PDILT: variants seen among roughly 807,000 people sequenced by gnomAD.
PDILT encodes the protein protein disulfide-isomerase-like protein of the testis.
Under a neutral mutation model 53.7 loss-of-function variants are expected in PDILT, and 43 were observed. The ratio of observed to expected loss-of-function variants is 0.80; its 90% CI spans 0.63 to 1.03. PDILT has a LOEUF of 1.03. PDILT is among the 50% of genes least tolerant of loss of function. PDILT has a pLI of 0.00. For synonymous variants in PDILT, 282 were observed against 274.2 expected (o/e 1.03, Z -0.28); for missense variants, 727 against 712.3 (o/e 1.02, Z -0.24).
intron 1 of PDILT, among the ~76,000 whole-genome samples, chr16:20,402,490 G>A (rs750066615): frequency 4.6e-5 from 7 of 152,122 alleles, no homozygotes; most frequent in Non-Finnish European, 1.0e-4. Context: ...GTAGAGACAG[G>A]GTTTCGCCAT....
Position 20,396,040 on chromosome 16 carries a change from G to T in PDILT, c.202+3059C>A, listed in dbSNP as rs188785585. On this transcript the variant is annotated intron_variant, in intron 2 of 11. Transcript: ENST00000302451. ...ATTAGCAGATTCTTAATTACTTGTA[G>T]TTGAACTCTGTCTTAACTGACACAG... 9.2e-5 allele frequency among the ~76,000 whole-genome samples: 14 copies of T among 152,336 alleles called. No individual in the cohort carries two copies. In the East Asian group the frequency reaches 2.7e-3, roughly 29 times the overall value.
chr16:20,359,636 A>T, intron 11 of PDILT, 69 bp from the exon 12 acceptor site: 1 of 1,452,466 alleles, frequency 6.9e-7, no homozygotes, highest in Non-Finnish European at 9.5e-7. Flanking sequence ...AAGAGGCAAG[A>T]AATATGTCAT....
intron 3 of PDILT, among the ~76,000 whole-genome samples, chr16:20,382,135 G>A (rs909194315): frequency 3.3e-5 from 5 of 152,174 alleles, no homozygotes; most frequent in African/African-American, 9.7e-5. Flanking sequence ...CTGGGCACAA[G>A]TGATCTTCCC....
At chr16:20,361,078 G>A (rs925839296) in intron 10 of PDILT, among the ~76,000 whole-genome samples, 11 of 152,202 alleles carry the variant, frequency 7.2e-5, no homozygotes, top group East Asian at 1.9e-4. Context: ...CACGATAGGC[G>A]TTTGTTATTA....
chr16:20,376,690 C>T (rs960847990), intron 3 of PDILT, among the ~76,000 whole-genome samples: 1 of 152,168 alleles, frequency 6.6e-6, no homozygotes, highest in African/African-American at 2.4e-5. Flanking sequence ...TTGGGAAAAT[C>T]CTATTATCTT....
intron 7 of PDILT, among the ~76,000 whole-genome samples, chr16:20,369,902 C>T (rs771198420): frequency 5.3e-5 from 8 of 152,178 alleles, no homozygotes; most frequent in Non-Finnish European, 8.8e-5. Context: ...TCCATCCACA[C>T]AGTTTCAGGA....
Position 20,384,781 on chromosome 16 carries a change from T to C in PDILT, c.273A>G (p.Lys91=), listed in dbSNP as rs1379380558. 1 of 1,614,016 alleles carries C rather than the reference T, an allele frequency of 6.2e-7. No homozygotes were observed. The highest frequency in any genetic ancestry group is 1.3e-5 in the African/African-American group (1 of 74,890). ...TGCCAAAGCCGATCCCATTCTTGCC[T>C]TTGCCCATGATCTCCACAGCTTTGC... ...ELGKAVEIMG[K]GKNGIGFGKV... Residue 91 remains lysine (K), a synonymous_variant, in exon 3 of 12, where the codon AAA becomes AAG. Transcript: ENST00000302451.
At chr16:20,399,363 C>T (rs1029483481) in intron 1 of PDILT, 56 bp from the exon 2 acceptor site, 14 of 1,561,640 alleles carry the variant, frequency 9.0e-6, no homozygotes, top group Admixed American at 3.4e-5. Flanking sequence ...TGGAGCCCCA[C>T]GTCATCACCC....
chr16:20,398,978 C>A (rs1966695190), intron 2 of PDILT, 121 bp downstream of exon 2: 6 of 1,055,912 alleles, frequency 5.7e-6, no homozygotes, highest in Non-Finnish European at 8.4e-6. Flanking sequence ...TATTAAATGT[C>A]TGTTTTAAAT....
At chr16:20,366,014 C>A (rs1966186410) in intron 8 of PDILT, among the ~76,000 whole-genome samples, 2 of 149,874 alleles carry the variant, frequency 1.3e-5, no homozygotes, top group South Asian at 4.2e-4. Flanking sequence ...TGCTTGAACC[C>A]AGGAGGCAGA....
intron 2 of PDILT, among the ~76,000 whole-genome samples, chr16:20,396,573 G>T (rs907494115): frequency 1.3e-5 from 2 of 152,144 alleles, no homozygotes; most frequent in African/African-American, 4.8e-5. Context: ...GGAATCCCTC[G>T]TGCACTCAAA....
At position 20,376,053 on chromosome 16, in the gene PDILT, T is replaced by C. The variant is rs745414150; in HGVS notation, c.543+15A>G. 12 of 1,613,730 alleles carry C rather than the reference T, an allele frequency of 7.4e-6. No homozygotes were observed. In the East Asian group the frequency reaches 2.7e-4, roughly 36 times the overall value. ...CATCAGTTGAAAGCCTCCTCCCACC[T>C]CTTGGTCCCAGTACCTGGAAGAAGC... On this transcript the variant is annotated intron_variant, in intron 4 of 11. Transcript: ENST00000302451.
intron 3 of PDILT, among the ~76,000 whole-genome samples, chr16:20,383,754 T>C (rs557106429): frequency 2.4e-4 from 36 of 152,338 alleles, no homozygotes; most frequent in African/African-American, 8.7e-4. Flanking sequence ...GGGAACATTC[T>C]ACTGGCATGG....
At chr16:20,368,007 A>G (rs1441158663) in intron 8 of PDILT, among the ~76,000 whole-genome samples, 1 of 152,124 alleles carries the variant, frequency 6.6e-6, no homozygotes, top group East Asian at 1.9e-4. Flanking sequence ...TGAATGATGG[A>G]ATGCAAGTTC....
chr16:20,398,627 T>C (rs903090689), intron 2 of PDILT, among the ~76,000 whole-genome samples: 109 of 152,202 alleles, frequency 7.2e-4, no homozygotes, highest in African/African-American at 2.6e-3. Flanking sequence ...CAAGGCCCTG[T>C]CTCAAAACAA....
chr16:20,374,984 A>C, intron 4 of PDILT, 25 bp from the exon 5 acceptor site: 3 of 1,582,096 alleles, frequency 1.9e-6, no homozygotes, highest in Non-Finnish European at 2.6e-6. Flanking sequence ...ATGTTTGGAA[A>C]GGCTTTGGTA....
intron 9 of PDILT, among the ~76,000 whole-genome samples, chr16:20,362,869 C>T (rs1357229118): frequency 6.6e-6 from 1 of 151,708 alleles, no homozygotes; most frequent in South Asian, 2.1e-4. Flanking sequence ...GTCAGGAGTT[C>T]GAGATCAGCC....
At chr16:20,375,226 C>A (rs1438625782) in intron 4 of PDILT, among the ~76,000 whole-genome samples, 1 of 152,182 alleles carries the variant, frequency 6.6e-6, no homozygotes, top group African/African-American at 2.4e-5. Context: ...GGTGTTCTAA[C>A]CCAATGAGAC....
At chr16:20,361,205 T>TATTTTTTTG in intron 10 of PDILT, among the ~76,000 whole-genome samples, 1 of 134,808 alleles carries the variant, frequency 7.4e-6, no homozygotes, top group Non-Finnish European at 1.6e-5. Flanking sequence ...TTTTTTTTTT[T>TATTTTTTTG]ATATGGAATC....
Sources: allele counts gnomAD v4.1 joint callset (sites outside exome capture counted in the v4.1 genomes callset), GRCh38; gene constraint gnomAD v4.1.1; transcripts MANE v1.5; gene names NCBI Gene and HGNC (gene_info 2026-07-23, HGNC 2026-07-21).